SH3GL1: variants seen among roughly 807,000 people sequenced by gnomAD.
The protein encoded by SH3GL1 is SH3 domain containing GRB2 like 1, endophilin A2.
Under a neutral mutation model 48.8 loss-of-function variants are expected in SH3GL1, and 21 were observed. The ratio of observed to expected loss-of-function variants is 0.43; its 90% CI spans 0.30 to 0.62. The LOEUF (loss-of-function observed/expected upper bound fraction) is 0.62, where lower values mean the gene tolerates loss of function less well. SH3GL1 is among the 20% of genes least tolerant of loss of function. SH3GL1 has a pLI of 0.11. For missense variants in SH3GL1, 454 were observed against 503.0 expected (o/e 0.90, Z 0.93); for synonymous variants, 282 against 217.5 (o/e 1.30, Z -2.61).
Position 4,366,499 on chromosome 19 carries a change from A to AGGG in SH3GL1, c.187+1_187+2insCCC. On this transcript the variant is annotated splice_donor_variant, in intron 3 of 9. Coordinates refer to ENST00000269886, the MANE Select transcript of SH3GL1 (RefSeq NM_003025.4). LOFTEE classifies it high-confidence loss of function. The stretch of plus-strand genomic sequence containing the variant: ...GGCCCTGGCAGTGGCTGGAGCACCC[A>AGGG]CCTGGGTTGGGCTGCAGGTACTCGA... 1 of 1,608,554 alleles carries AGGG rather than the reference A, an allele frequency of 6.2e-7. No homozygotes were observed. Among genetic ancestry groups the AGGG allele is most frequent in the Non-Finnish European group, 8.5e-7 (1 of 1,178,518 alleles).
intron 1 of SH3GL1, among the ~76,000 whole-genome samples, chr19:4,372,806 C>T (rs147691930): frequency 7.2e-4 from 109 of 152,334 alleles, no homozygotes; most frequent in Non-Finnish European, 1.4e-3. Flanking sequence ...TCCCCTTTTC[C>T]ATGTGGGCTC....
rs765446366 is a variant in SH3GL1, at chr19:4,366,897, C to T, written c.114+29G>A. 3.1e-6 allele frequency: 5 copies of T among 1,608,832 alleles called. No individual in the cohort carries two copies. The South Asian group carries it at 5.5e-5, about 18-fold the overall frequency. ...AGGTCAGGCCCCAGCAGTGCCACCA[C>T]CACACAGAGCACGCAGTTTCTTCCT... On this transcript the variant is annotated intron_variant, in intron 2 of 9. Coordinates refer to ENST00000269886, the MANE Select transcript of SH3GL1 (RefSeq NM_003025.4).
chr19:4,366,298 G>C (rs969158396), intron 3 of SH3GL1, among the ~76,000 whole-genome samples: 1 of 152,196 alleles, frequency 6.6e-6, no homozygotes, highest in African/African-American at 2.4e-5. Flanking sequence ...GTCGGCATGA[G>C]AGTGAAGCCA....
At chr19:4,368,119 G>A (rs1972821573) in intron 1 of SH3GL1, among the ~76,000 whole-genome samples, 1 of 152,254 alleles carries the variant, frequency 6.6e-6, no homozygotes, top group Non-Finnish European at 1.5e-5. Flanking sequence ...CACACGGCCT[G>A]GGCAGGAGAG....
At chr19:4,382,889 A>G (rs1349400893) in intron 1 of SH3GL1, among the ~76,000 whole-genome samples, 15 of 152,162 alleles carry the variant, frequency 9.9e-5, no homozygotes, top group Admixed American at 9.2e-4. Context: ...CATGTTCATC[A>G]AATGGTCACT....
At chr19:4,366,832 C>G in intron 2 of SH3GL1, 94 bp downstream of exon 2, 1 of 1,287,250 alleles carries the variant, frequency 7.8e-7, no homozygotes, top group South Asian at 1.2e-5. Flanking sequence ...ACTCCAGACC[C>G]AGGCCCATCA....
intron 1 of SH3GL1, among the ~76,000 whole-genome samples, chr19:4,395,284 G>A (rs761658916): frequency 2.0e-5 from 3 of 152,190 alleles, no homozygotes; most frequent in Non-Finnish European, 4.4e-5. Context: ...GTGATCAGCT[G>A]GAAGGTACTT....
chr19:4,385,665 GGT>G (rs1973222552), intron 1 of SH3GL1, among the ~76,000 whole-genome samples: 1 of 152,234 alleles, frequency 6.6e-6, no homozygotes, highest in African/African-American at 2.4e-5. Flanking sequence ...GGGGCCCACT[GGT>G]GCCTTCTTCT....
chr19:4,366,398 G>T, intron 3 of SH3GL1, 103 bp downstream of exon 3: 2 of 897,658 alleles, frequency 2.2e-6, no homozygotes, highest in Non-Finnish European at 1.8e-6. Flanking sequence ...TGTGCCTGAA[G>T]CCCACAACCC....
At chr19:4,368,450 T>C (rs1199125276) in intron 1 of SH3GL1, among the ~76,000 whole-genome samples, 1 of 152,108 alleles carries the variant, frequency 6.6e-6, no homozygotes. Flanking sequence ...GCACCATGAG[T>C]GCAAATGCCC....
Position 4,400,499 on chromosome 19 carries a change from C to A in SH3GL1, c.-131G>T. 2.5e-5 allele frequency: 18 copies of A among 713,728 alleles called. No homozygotes were observed. The highest frequency in any genetic ancestry group is 6.2e-4 in the Middle Eastern group (1 of 1,622). The allele number at this position is 713,728 out of a possible 1,614,324, so 44.2% of individuals were successfully genotyped here. A position where few individuals can be genotyped will look rare whatever the true frequency, so the allele number is the denominator to read the frequency against. ...GCCACCCGCTTGCCAGCTCCGCGCC[C>A]GCCCCGGCGCCGCCTCAGCCGCTCG... On this transcript the variant is annotated 5_prime_UTR_variant, in exon 1 of 10. Coordinates refer to ENST00000269886, the MANE Select transcript of SH3GL1 (RefSeq NM_003025.4). This position sits in a 1 kb window ranked among gnomAD's most constrained non-coding sequence, Gnocchi z 4.1.
At chr19:4,364,947 G>A (rs1421755475) in intron 4 of SH3GL1, among the ~76,000 whole-genome samples, 1 of 144,376 alleles carries the variant, frequency 6.9e-6, no homozygotes, top group African/African-American at 2.7e-5. Context: ...GCGGGGTGGG[G>A]TTTCTCCATA....
rs886109902 is a variant in SH3GL1 at position 4,360,615 on chromosome 19, G to C, written c.*985C>G. 1 of 233,168 alleles carries C rather than the reference G, an allele frequency of 4.3e-6. No homozygotes were observed. The highest frequency in any genetic ancestry group is 8.5e-6 in the Non-Finnish European group (1 of 118,078). 14.4% of individuals were successfully genotyped at this position (233,168 alleles called of 1,614,324 possible). A position where few individuals can be genotyped will look rare whatever the true frequency, so the allele number is the denominator to read the frequency against. Reference sequence around the variant, plus strand: ...TTCATCGATTTTGCATTGGGCGATAGAGGAAGCAGATGTCGGGGCTGCCTG... The same window carrying C: ...TTCATCGATTTTGCATTGGGCGATACAGGAAGCAGATGTCGGGGCTGCCTG... On this transcript the variant is annotated 3_prime_UTR_variant, in exon 10 of 10. Coordinates refer to ENST00000269886, the MANE Select transcript of SH3GL1 (RefSeq NM_003025.4).
chr19:4,395,039 C>T (rs1393466002), intron 1 of SH3GL1, among the ~76,000 whole-genome samples: 1 of 152,272 alleles, frequency 6.6e-6, no homozygotes, highest in African/African-American at 2.4e-5. Context: ...TCAGGAGCCC[C>T]GATGCCTGTG....
rs150284370 is a variant in SH3GL1, at chr19:4,362,338, G to T, written c.901C>A (p.Arg301=). 6.8e-6 allele frequency: 11 copies of T among 1,611,880 alleles called. No individual in the cohort carries two copies. The highest frequency in any genetic ancestry group is 6.8e-6 in the Non-Finnish European group (8 of 1,179,008). Residue 301 remains arginine (R), a synonymous_variant, in exon 9 of 10, where the codon CGG becomes AGG. Coordinates refer to ENST00000269886, the MANE Select transcript of SH3GL1 (RefSeq NM_003025.4). Reference sequence around the variant, plus strand: ...GCCTGGGAACACTCACGCATGCTCCGGCTAGGGGTCCGGATGGGCTTGTCG... The same window carrying T: ...GCCTGGGAACACTCACGCATGCTCCTGCTAGGGGTCCGGATGGGCTTGTCG... ...SSDKPIRTPS[R]SMPPLDQPSC...
intron 3 of SH3GL1, 120 bp from the exon 4 acceptor site, chr19:4,365,745 C>A: frequency 7.3e-7 from 1 of 1,369,048 alleles, no homozygotes; most frequent in Non-Finnish European, 1.0e-6. Flanking sequence ...CAGCCTAGGC[C>A]ACACAAAGCA....
rs1267955549 is a variant in SH3GL1, at chr19:4,389,423, G to A, written c.45+10901C>T. Among the ~76,000 whole-genome samples, 1 of 152,152 alleles carries A rather than the reference G, an allele frequency of 6.6e-6. No individual in the cohort carries two copies. Among genetic ancestry groups the A allele is most frequent in the Non-Finnish European group, 1.5e-5 (1 of 68,004 alleles). ...AAGTGGAGAGAAAATGAGGTTGGGA[G>A]GTAGGAGAGGCCGGTGACATGGACA... On this transcript the variant is annotated intron_variant, in intron 1 of 9. Transcript: ENST00000269886. This position sits in a 1 kb window ranked among gnomAD's most constrained non-coding sequence, Gnocchi z 4.5.
chr19:4,381,665 G>A (rs1420439231), intron 1 of SH3GL1, among the ~76,000 whole-genome samples: 1 of 49,636 alleles, frequency 2.0e-5, no homozygotes, highest in African/African-American at 8.6e-5. Flanking sequence ...CATTTCCCCC[G>A]CCTCTCTGTC....
chr19:4,373,370 C>G (rs113107247), intron 1 of SH3GL1, among the ~76,000 whole-genome samples: 164 of 152,352 alleles, frequency 1.1e-3, no homozygotes, highest in African/African-American at 3.8e-3. Context: ...CCTGGATTTG[C>G]CACTGTCCTT....
Sources: gnomAD v4.1 joint callset for allele counts (sites outside exome capture counted in the v4.1 genomes callset) on GRCh38, gnomAD v4.1.1 for gene constraint, Gnocchi (gnomAD v3.1) non-coding constraint, MANE v1.5 for transcripts, NCBI Gene and HGNC (gene_info 2026-07-23, HGNC 2026-07-21) for gene names.